Variants in SYBU observed in about 807,000 individuals in gnomAD.
The protein encoded by SYBU is syntabulin.
Under a neutral mutation model 35.9 loss-of-function variants are expected in SYBU, and 21 were observed. That is an observed-to-expected ratio of 0.58 (90% CI 0.41 to 0.84). The LOEUF (loss-of-function observed/expected upper bound fraction) is 0.84, where lower values mean the gene tolerates loss of function less well. Among genes scored for constraint, SYBU ranks in the 40% least tolerant of loss-of-function variants. The pLI, the probability that SYBU is intolerant of heterozygous loss-of-function variation, is 0.00. For missense variants in SYBU, 768 were observed against 848.2 expected (o/e 0.91, Z 1.17); for synonymous variants, 319 against 324.3 (o/e 0.98, Z 0.18).
intron 3 of SYBU, among the ~76,000 whole-genome samples, chr8:109,599,527 T>C (rs1825271965): frequency 6.6e-6 from 1 of 152,204 alleles, no homozygotes; most frequent in South Asian, 2.1e-4. Flanking sequence ...ACAGTAATGT[T>C]GAGAAATCAC....
At chr8:109,576,096 A>G (rs1822283639) in intron 6 of SYBU, 83 bp from the exon 7 acceptor site, 2 of 1,428,776 alleles carry the variant, frequency 1.4e-6, no homozygotes, top group African/African-American at 2.9e-5. Context: ...CAGGCAGTTC[A>G]GGCAGTTCTG....
chr8:109,659,075 A>G (rs934753611), intron 1 of SYBU, among the ~76,000 whole-genome samples: 1 of 152,230 alleles, frequency 6.6e-6, no homozygotes, highest in East Asian at 1.9e-4. Flanking sequence ...TAGAACTTAC[A>G]TATCATTTCA....
intron 1 of SYBU, among the ~76,000 whole-genome samples, chr8:109,686,819 C>A (rs1817529299): frequency 6.6e-6 from 1 of 152,164 alleles, no homozygotes; most frequent in South Asian, 2.1e-4. Context: ...ATTCATATTT[C>A]ATTCCTTATT....
intron 1 of SYBU, among the ~76,000 whole-genome samples, chr8:109,667,456 C>T (rs1161191829): frequency 2.7e-5 from 4 of 150,924 alleles, no homozygotes; most frequent in Non-Finnish European, 4.4e-5. Flanking sequence ...TAGAAATAAA[C>T]AAGAATATTA....
intron 3 of SYBU, among the ~76,000 whole-genome samples, chr8:109,591,900 C>T (rs543478797): frequency 6.6e-6 from 1 of 151,766 alleles, no homozygotes; most frequent in Admixed American, 6.6e-5. Context: ...AGTTAAGACA[C>T]CTGGGTTTGA....
At chr8:109,654,240 A>G (rs1816268183) in intron 1 of SYBU, among the ~76,000 whole-genome samples, 1 of 152,090 alleles carries the variant, frequency 6.6e-6, no homozygotes, top group African/African-American at 2.4e-5. Flanking sequence ...TATGTCTCAC[A>G]CTTCCCTGCT....
At chr8:109,688,139 A>C (rs1475494557) in intron 1 of SYBU, among the ~76,000 whole-genome samples, 1 of 152,168 alleles carries the variant, frequency 6.6e-6, no homozygotes, top group Non-Finnish European at 1.5e-5. Context: ...GCTATAATAT[A>C]TATTTATTTG....
At chr8:109,663,036 G>A (rs1401407739) in intron 1 of SYBU, among the ~76,000 whole-genome samples, 1 of 152,122 alleles carries the variant, frequency 6.6e-6, no homozygotes, top group Non-Finnish European at 1.5e-5. Context: ...GGGTCATTAA[G>A]AGAAACCTGG....
At chr8:109,646,623 TC>T (rs1455752649), upstream of SYBU, 3 of 152,160 alleles carry the variant, frequency 2.0e-5, no homozygotes, top group African/African-American at 7.2e-5. Flanking sequence ...AACTTATTAT[TC>T]CTAAAATTAT....
chr8:109,674,507 C>T (rs1036731843), intron 1 of SYBU, among the ~76,000 whole-genome samples: 7 of 152,156 alleles, frequency 4.6e-5, no homozygotes, highest in Admixed American at 1.3e-4. Context: ...ACCACCAGTC[C>T]TGCCTTACAA....
At chr8:109,620,650 T>C (rs1812308501) in intron 2 of SYBU, among the ~76,000 whole-genome samples, 1 of 152,238 alleles carries the variant, frequency 6.6e-6, no homozygotes. Context: ...GAATGGTTTT[T>C]AGGGTGCTGC....
At chr8:109,588,612 T>C (rs569024226) in intron 3 of SYBU, among the ~76,000 whole-genome samples, 1 of 152,312 alleles carries the variant, frequency 6.6e-6, no homozygotes, top group African/African-American at 2.4e-5. Context: ...TTTTAAGGGA[T>C]ACACAGGAAA....
At position 109,618,975 on chromosome 8, in the gene SYBU, G is replaced by A. The variant is rs917928919; in HGVS notation, c.294C>T (p.Asn98=). The A allele has an allele frequency of 8.1e-6, 13 of 1,614,178 alleles. No homozygotes were observed. The highest frequency in any genetic ancestry group is 1.1e-5 in the South Asian group (1 of 91,082). The part of the protein sequence containing the change: ...SPVKTPSDAG[N]SPIGFCPGSD... ...TTCCAGGGCAAAAGCCAATGGGGCT[G>A]TTTCCAGCATCTGAGGGTGTCTTCA... The change falls in exon 3 of 7, where the codon AAC becomes AAT. Residue 98 remains asparagine (N), a synonymous_variant. Coordinates refer to ENST00000276646, the MANE Select transcript of SYBU (RefSeq NM_001099754.2).
intron 2 of SYBU, 33 bp from the exon 3 acceptor site, chr8:109,619,072 TGAG>T (rs1273295769): frequency 6.4e-7 from 1 of 1,563,144 alleles, no homozygotes; most frequent in Non-Finnish European, 8.8e-7. Context: ...TGTTTAATGA[TGAG>T]GAGGAAATCA....
intron 3 of SYBU, among the ~76,000 whole-genome samples, chr8:109,603,734 G>T (rs1825788912): frequency 6.6e-6 from 1 of 152,158 alleles, no homozygotes; most frequent in Non-Finnish European, 1.5e-5. Flanking sequence ...CAGTAGTTTT[G>T]AAAATACCCC....
At chr8:109,638,598 T>TAATAAGG (rs1814500862) in intron 2 of SYBU, among the ~76,000 whole-genome samples, 1 of 152,198 alleles carries the variant, frequency 6.6e-6, no homozygotes, top group Non-Finnish European at 1.5e-5. Flanking sequence ...AACTTCCTAT[T>TAATAAGG]AACTGTACTT....
chr8:109,652,779 C>A (rs1055546157), intron 1 of SYBU, among the ~76,000 whole-genome samples: 1 of 152,152 alleles, frequency 6.6e-6, no homozygotes, highest in African/African-American at 2.4e-5. Flanking sequence ...ATAAATGGAA[C>A]ATTATTTGGT....
intron 1 of SYBU, among the ~76,000 whole-genome samples, chr8:109,653,794 C>T (rs1816248972): frequency 6.6e-6 from 1 of 152,120 alleles, no homozygotes; most frequent in South Asian, 2.1e-4. Context: ...AATCTCCTGC[C>T]TCCAAACCTA....
intron 1 of SYBU, among the ~76,000 whole-genome samples, chr8:109,662,094 C>T (rs186354433): frequency 1.3e-5 from 2 of 152,270 alleles, no homozygotes; most frequent in African/African-American, 2.4e-5. Flanking sequence ...TCCATGTTAC[C>T]ATTATTCCTT....
Sources: gnomAD v4.1 joint callset for allele counts (sites outside exome capture counted in the v4.1 genomes callset) on GRCh38, gnomAD v4.1.1 for gene constraint, MANE v1.5 for transcripts, NCBI Gene and HGNC (gene_info 2026-07-23, HGNC 2026-07-21) for gene names.